SH3TC2: variants seen among roughly 807,000 people sequenced by gnomAD.
The protein encoded by SH3TC2 is SH3 domain and tetratricopeptide repeat-containing protein 2.
In SH3TC2, 87 loss-of-function variants were observed where a neutral mutation model predicts 124.5. The ratio of observed to expected loss-of-function variants is 0.70; its 90% CI spans 0.59 to 0.84. The LOEUF (loss-of-function observed/expected upper bound fraction) is 0.84. Ranked by LOEUF, SH3TC2 falls within the 40% of genes least tolerant of loss-of-function variation. The pLI is 0.00. For missense variants in SH3TC2, 1,536 were observed against 1,566.4 expected (o/e 0.98, Z 0.33); for synonymous variants, 634 against 628.5 (o/e 1.01, Z -0.13).
At position 149,027,415 on chromosome 5, in the gene SH3TC2, G is replaced by A. The variant is rs1416387782; in HGVS notation, c.2317C>T (p.Pro773Ser). 2 of 1,614,034 alleles carry A rather than the reference G, an allele frequency of 1.2e-6. No individual in the cohort carries two copies. The highest frequency in any genetic ancestry group is 2.2e-5 in the East Asian group (1 of 44,892). The change falls in exon 11 of 17, where the codon CCT becomes TCT. Residue 773 changes from proline to serine, a missense_variant. Pro to Ser is a moderately conservative substitution (Grantham distance 74). This residue lies in a region of SH3TC2 where 1,102 missense variants were observed against 1,098.6 expected (regional missense o/e 1.00). Coordinates refer to ENST00000515425, the MANE Select transcript of SH3TC2 (RefSeq NM_024577.4). ...LSKVYLEHRS[P>S]DGAIHYLSQA... ...CTCAGGTAGTGGATGGCACCGTCAG[G>A]AGACCTGTGCTCGAGGTACACTTTG...
rs144633235 is a variant in SH3TC2 at position 149,007,060 on chromosome 5, G to C, written c.3496C>G (p.Leu1166Val). 2 of 1,614,078 alleles carry C rather than the reference G, an allele frequency of 1.2e-6. No homozygotes were observed. The highest frequency in any genetic ancestry group is 1.3e-5 in the African/African-American group (1 of 74,928). ...GTAGCCAGGCGGTGAAAGGCCACCAGCTCTTGCCTCTGATCTCCTAAGAAT... is the reference window on the plus strand; with the variant it reads ...GTAGCCAGGCGGTGAAAGGCCACCACCTCTTGCCTCTGATCTCCTAAGAAT... ...STVTGDQRQE[L>V]VAFHRLATVY... is the part of the protein sequence containing the mutation. The change falls in exon 16 of 17, where the codon CTG (leucine) becomes GTG (valine). Residue 1166 changes from leucine to valine, a missense_variant. By Grantham distance (32) the Leu-to-Val change is conservative. Coordinates refer to ENST00000515425, the MANE Select transcript of SH3TC2 (RefSeq NM_024577.4).
intron 12 of SH3TC2, among the ~76,000 whole-genome samples, chr5:149,025,008 C>T (rs940144998): frequency 1.3e-5 from 2 of 152,174 alleles, no homozygotes; most frequent in African/African-American, 4.8e-5. Context: ...ACATATTTGG[C>T]ACTCTTGCTC....
At chr5:149,021,882 T>TACAAGAAATTGAAGAGGAAGGAA (rs1753977625) in intron 12 of SH3TC2, among the ~76,000 whole-genome samples, 1 of 55,300 alleles carries the variant, frequency 1.8e-5, no homozygotes, top group Non-Finnish European at 2.9e-5. Flanking sequence ...CACAAACTCT[T>TACAAGAAATTGAAGAGGAAGGAA]TCTTTTTTTT....
In SH3TC2 at chr5:149,028,660, G is replaced by A; in HGVS notation, c.1177+17C>T. On this transcript the variant is annotated intron_variant, in intron 10 of 16. Transcript: ENST00000515425. Reference sequence around the variant, plus strand: ...TCCTCAAGGATGAATGTCAGGTTCAGCATGATCGCTACTCACCACTCAGAT... The same window carrying A: ...TCCTCAAGGATGAATGTCAGGTTCAACATGATCGCTACTCACCACTCAGAT... 6.2e-7 allele frequency: 1 copy of A among 1,614,172 alleles called. No individual in the cohort carries two copies. Among genetic ancestry groups the A allele is most frequent in the Non-Finnish European group, 8.5e-7 (1 of 1,180,028 alleles).
chr5:149,012,418 T>A (rs1473435445), intron 13 of SH3TC2, among the ~76,000 whole-genome samples, 166 bp downstream of exon 13: 1 of 152,182 alleles, frequency 6.6e-6, no homozygotes, highest in Non-Finnish European at 1.5e-5. Context: ...CAGACCACCC[T>A]GGTTTCCACC....
intron 7 of SH3TC2, among the ~76,000 whole-genome samples, chr5:149,039,375 C>T (rs1489601228): frequency 6.6e-6 from 1 of 152,208 alleles, no homozygotes; most frequent in African/African-American, 2.4e-5. Flanking sequence ...AAAACTGAGT[C>T]TAGAGCTTAA....
chr5:149,058,761 A>G (rs1414880077), intron 1 of SH3TC2, among the ~76,000 whole-genome samples: 1 of 152,064 alleles, frequency 6.6e-6, no homozygotes, highest in Admixed American at 6.6e-5. Context: ...ATGGATAAGT[A>G]TGGTAGGTTC....
At chr5:149,031,834 A>ATT in intron 8 of SH3TC2, 147 bp from the exon 9 acceptor site, 2 of 1,044,780 alleles carry the variant, frequency 1.9e-6, no homozygotes, top group Non-Finnish European at 2.9e-6. Flanking sequence ...TCATCTCACC[A>ATT]TTGCATACTG....
intron 8 of SH3TC2, chr5:149,034,247 G>A (rs1411405215): frequency 6.5e-6 from 1 of 153,864 alleles, no homozygotes; most frequent in Admixed American, 6.6e-5. Flanking sequence ...TAAACAGCAA[G>A]TTTAGTCATA....
intron 12 of SH3TC2, among the ~76,000 whole-genome samples, chr5:149,021,677 C>T (rs991510985): frequency 6.6e-6 from 1 of 151,284 alleles, no homozygotes; most frequent in Non-Finnish European, 1.5e-5. Flanking sequence ...TGGACAAATT[C>T]CAAGAAAGAC....
intron 12 of SH3TC2, among the ~76,000 whole-genome samples, chr5:149,017,753 A>T (rs962748110): frequency 6.6e-6 from 1 of 152,226 alleles, no homozygotes; most frequent in African/African-American, 2.4e-5. Context: ...TTCACTCTAT[A>T]GCCTTCCACA....
chr5:149,030,241 T>C (rs1754165508), intron 9 of SH3TC2, among the ~76,000 whole-genome samples: 1 of 152,206 alleles, frequency 6.6e-6, no homozygotes, highest in African/African-American at 2.4e-5. Flanking sequence ...CAAAGGGCCA[T>C]CCTTCCCTAT....
At chr5:149,054,535 C>T (rs762751612) in intron 1 of SH3TC2, among the ~76,000 whole-genome samples, 2 of 151,018 alleles carry the variant, frequency 1.3e-5, no homozygotes, top group African/African-American at 2.5e-5. Context: ...CCGTAGACTA[C>T]AGCAAACCCA....
Position 149,027,500 on chromosome 5 carries a change from C to A in SH3TC2, c.2232G>T (p.Leu744=). 1 of 1,614,180 alleles carries A rather than the reference C, an allele frequency of 6.2e-7. No individual in the cohort carries two copies. The highest frequency in any genetic ancestry group is 1.1e-5 in the South Asian group (1 of 91,084). The part of the protein sequence containing the change: ...ALACPMLRQA[L]AACEELADRS... Reference sequence around the variant, plus strand: ...GGTCTGCTAGTTCCTCACAGGCAGCCAGGGCCTGTCTGAGCATTGGGCAGG... The same window carrying A: ...GGTCTGCTAGTTCCTCACAGGCAGCAAGGGCCTGTCTGAGCATTGGGCAGG... The change falls in exon 11 of 17, where the codon CTG becomes CTT. Residue 744 remains leucine, a synonymous_variant. Transcript: ENST00000515425.
Position 148,989,609 on chromosome 5 carries a change from A to G in SH3TC2, c.*15102T>C, listed in dbSNP as rs1180141178. On this transcript the variant is annotated 3_prime_UTR_variant, in exon 17 of 17. Transcript: ENST00000515425. Reference sequence around the variant, plus strand: ...AAGTGTTGACATTTTCAGACCACCTATGTATATTGCTGCAGATGTTGGTAC... The same window carrying G: ...AAGTGTTGACATTTTCAGACCACCTGTGTATATTGCTGCAGATGTTGGTAC... Among the ~76,000 whole-genome samples, 1 of 152,202 alleles carries G rather than the reference A, an allele frequency of 6.6e-6. No homozygotes were observed. Among genetic ancestry groups the G allele is most frequent in the Non-Finnish European group, 1.5e-5 (1 of 68,026 alleles).
chr5:149,056,890 T>C (rs955701242), intron 1 of SH3TC2, among the ~76,000 whole-genome samples: 1 of 152,322 alleles, frequency 6.6e-6, no homozygotes, highest in African/African-American at 2.4e-5. Flanking sequence ...AACTGTCATA[T>C]AGAATAAATT....
chr5:149,006,989 G>A lies in SH3TC2; in HGVS notation c.3567C>T (p.Tyr1189=), dbSNP rs1260404181. The change falls in exon 16 of 17, where the codon TAC becomes TAT. Residue 1189 remains tyrosine, a synonymous_variant. Transcript: ENST00000515425. The stretch of plus-strand genomic sequence containing the variant: ...GTGGACAGAGGGACAGGGTCTTCAG[G>A]TAGCAGTCCTCAGCCATCTCATACA... ...LHMYEMAEDC[Y]LKTLSLCPPW... 1.2e-6 allele frequency: 2 copies of A among 1,614,070 alleles called. No homozygotes were observed. Among genetic ancestry groups the A allele is most frequent in the Admixed American group, 1.7e-5 (1 of 60,002 alleles).
At chr5:149,040,552 G>A (rs1054466907) in intron 7 of SH3TC2, 52 bp downstream of exon 7, 6 of 1,511,274 alleles carry the variant, frequency 4.0e-6, no homozygotes, top group Non-Finnish European at 5.5e-6. Context: ...AAAATTGAGA[G>A]GCAGGACAAC....
At chr5:149,022,271 G>C (rs1398882934) in intron 12 of SH3TC2, among the ~76,000 whole-genome samples, 1 of 152,096 alleles carries the variant, frequency 6.6e-6, no homozygotes, top group African/African-American at 2.4e-5. Context: ...CAAAGGGCTA[G>C]AAGCAAATGA....
Sources: gnomAD v4.1 joint callset for allele counts (sites outside exome capture counted in the v4.1 genomes callset) on GRCh38, gnomAD v4.1.1 for gene constraint, gnomAD v4.1.1 regional missense constraint, MANE v1.5 for transcripts, NCBI Gene and HGNC (gene_info 2026-07-23, HGNC 2026-07-21) for gene names.